The following WNT10A variants were observed in gnomAD, a reference collection of about 807,000 sequenced individuals.
WNT10A encodes protein Wnt-10a.
WNT10A carries 37 observed loss-of-function variants against 36.1 expected under a neutral mutation model. The ratio of observed to expected loss-of-function variants is 1.02; its 90% CI spans 0.79 to 1.35. The LOEUF (loss-of-function observed/expected upper bound fraction) is 1.35, where lower values mean the gene tolerates loss of function less well. WNT10A is among the 40% of genes most tolerant of loss of function. WNT10A has a pLI of 0.00. For synonymous variants in WNT10A, 255 were observed against 254.1 expected (o/e 1.00, Z -0.03); for missense variants, 613 against 601.4 (o/e 1.02, Z -0.20).
chr2:218,892,848 G>A lies in WNT10A; in HGVS notation c.831G>A (p.Trp277Ter). 1 of 1,589,890 alleles carries A rather than the reference G, an allele frequency of 6.3e-7. No homozygotes were observed. Among genetic ancestry groups the A allele is most frequent in the African/African-American group, 1.3e-5 (1 of 74,676 alleles). ...GCAGCTGCCAGCTCAAGACGTGCTG[G>A]CAGGTGACGCCCGAGTTCCGCACCG... ...TSGSCQLKTC[W>*]QVTPEFRTVG... Residue 277 changes from tryptophan to a stop codon, truncating the protein, a stop_gained, in exon 4 of 4, where the codon TGG (tryptophan) becomes TGA (stop). Coordinates refer to ENST00000258411, the MANE Select transcript of WNT10A (RefSeq NM_025216.3). LOFTEE classifies it high-confidence loss of function.
intron 3 of WNT10A, among the ~76,000 whole-genome samples, chr2:218,890,986 G>A (rs547241170): frequency 1.3e-5 from 2 of 152,342 alleles, no homozygotes; most frequent in African/African-American, 4.8e-5. Context: ...AAAAGCAGCA[G>A]AAGAAAGGAT....
At position 218,881,123 on chromosome 2, in the gene WNT10A, C is replaced by A. The variant is rs1054093837; in HGVS notation, c.113+15C>A. The A allele has an allele frequency of 6.3e-7, 1 of 1,579,664 alleles. No individual in the cohort carries two copies. Among genetic ancestry groups the A allele is most frequent in the South Asian group, 1.2e-5 (1 of 86,588 alleles). On this transcript the variant is annotated intron_variant, in intron 1 of 3. Transcript: ENST00000258411. ...GCCATGCCCAGGTGAGCCCTCACCT[C>A]ATGCTCCGCCCTCCTAGAGAGTTGG...
In WNT10A at chr2:218,893,255, T is replaced by A; in HGVS notation, c.1238T>A (p.Val413Asp). The A allele has an allele frequency of 6.4e-7, 1 of 1,555,934 alleles. No individual in the cohort carries two copies. The highest frequency in any genetic ancestry group is 1.3e-5 in the African/African-American group (1 of 74,174). ...VCEECRITEWVSVCK is the reference protein window; with the variant it reads ...VCEECRITEWDSVCK ...GAAGAGTGCCGCATCACCGAGTGGG[T>A]CAGCGTCTGCAAGTGAGCGGCCCGG... The change falls in exon 4 of 4, where the codon GTC becomes GAC. Residue 413 changes from valine to aspartate, a missense_variant. Val to Asp is a radical substitution (Grantham distance 152). Transcript: ENST00000258411. The surrounding 1 kb of genome is among the most constrained non-coding windows in gnomAD (Gnocchi z 6.3).
intron 3 of WNT10A, among the ~76,000 whole-genome samples, chr2:218,891,538 TC>T (rs1944650355): frequency 6.6e-6 from 1 of 152,188 alleles, no homozygotes; most frequent in Non-Finnish European, 1.5e-5. Context: ...TTGGGTCATG[TC>T]CAGCTCCCAC....
chr2:218,890,202 C>T lies in WNT10A; in HGVS notation c.595C>T (p.Pro199Ser). ...TGGGGTCCCGGAACACCCAGCCCTG[C>T]CCACAGCCAGCCCAGGCCTGCAGGA... is the stretch of plus-strand genomic sequence containing the variant. ...SHGVPEHPAL[P>S]TASPGLQDSW... is the part of the protein sequence containing the mutation. The change falls in exon 3 of 4, where the codon CCC becomes TCC. Residue 199 changes from proline (P) to serine (S), a missense_variant. Physicochemically the swap from Pro to Ser is moderately conservative, Grantham distance 74. Coordinates refer to ENST00000258411, the MANE Select transcript of WNT10A (RefSeq NM_025216.3). 2 of 1,614,056 alleles carry T rather than the reference C, an allele frequency of 1.2e-6. No homozygotes were observed. Among genetic ancestry groups the T allele is most frequent in the East Asian group, 2.2e-5 (1 of 44,874 alleles).
chr2:218,887,811 G>C (rs999045879), intron 2 of WNT10A, among the ~76,000 whole-genome samples: 1 of 152,164 alleles, frequency 6.6e-6, no homozygotes, highest in Non-Finnish European at 1.5e-5. Context: ...ATACTTCCTC[G>C]ATTAGTAAGG....
At chr2:218,890,425 G>A in intron 3 of WNT10A, 62 bp downstream of exon 3, 2 of 1,596,764 alleles carry the variant, frequency 1.3e-6, no homozygotes, top group Non-Finnish European at 1.7e-6. Flanking sequence ...CCCTTGCCCT[G>A]GCCTACCTCT....
upstream of WNT10A, among the ~76,000 whole-genome samples, chr2:218,877,777 C>T (rs1045009104): frequency 3.3e-5 from 5 of 152,186 alleles, no homozygotes; most frequent in Non-Finnish European, 7.3e-5. The surrounding 1 kb of genome is among the most constrained non-coding windows in gnomAD (Gnocchi z 4.1). Flanking sequence ...CAGCAGCAAG[C>T]CATTCCCCCT....
At chr2:218,881,236 T>A in intron 1 of WNT10A, 128 bp downstream of exon 1, 1 of 1,396,028 alleles carries the variant, frequency 7.2e-7, no homozygotes. Context: ...AAAGTGCTGG[T>A]GCCCAACCAA....
Position 218,889,970 on chromosome 2 carries a change from G to A in WNT10A, c.377-14G>A. Reference sequence around the variant, plus strand: ...CCCCTCCAGAGTCCATGTGTTCTGGGTCTTTAACCACAGGTTTCCGAGAGA... The same window carrying A: ...CCCCTCCAGAGTCCATGTGTTCTGGATCTTTAACCACAGGTTTCCGAGAGA... On this transcript the variant is annotated splice_polypyrimidine_tract_variant and intron_variant, in intron 2 of 3. Coordinates refer to ENST00000258411, the MANE Select transcript of WNT10A (RefSeq NM_025216.3). 5.6e-6 allele frequency: 9 copies of A among 1,612,120 alleles called. No individual in the cohort carries two copies. The highest frequency in any genetic ancestry group is 7.6e-6 in the Non-Finnish European group (9 of 1,180,036).
At chr2:218,891,990 C>T (rs1309167920) in intron 3 of WNT10A, among the ~76,000 whole-genome samples, 1 of 151,972 alleles carries the variant, frequency 6.6e-6, no homozygotes, top group Non-Finnish European at 1.5e-5. Context: ...GGGTTGCGTT[C>T]CCATAACCAC....
intron 2 of WNT10A, among the ~76,000 whole-genome samples, chr2:218,886,452 C>A (rs1433061859): frequency 6.6e-6 from 1 of 152,164 alleles, no homozygotes; most frequent in Admixed American, 6.5e-5. Context: ...TTCCCATTGG[C>A]TCCTGAATCC....
the WNT10A span, among the ~76,000 whole-genome samples, chr2:218,875,159 C>CT: frequency 5.4e-5 from 2 of 36,824 alleles, 1 homozygote; most frequent in Admixed American, 8.5e-4. Flanking sequence ...GACTGACTTT[C>CT]TTTTTTTTTT....
chr2:218,879,728 G>T (rs998365039), upstream of WNT10A, among the ~76,000 whole-genome samples: 1 of 152,198 alleles, frequency 6.6e-6, no homozygotes, highest in South Asian at 2.1e-4. Context: ...CAGCTGCTGC[G>T]CTGGGAGTCA....
At position 218,882,192 on chromosome 2, in the gene WNT10A, C is replaced by A. The variant is rs1283156128; in HGVS notation, c.145C>A (p.Leu49Ile). ...ACCCAATGACATTCTGGACCTCCGC[C>A]TCCCCCCGGAGCCCGTGCTCAATGC... The part of the protein sequence containing the change: ...SAPNDILDLR[L>I]PPEPVLNANT... Residue 49 changes from leucine to isoleucine, a missense_variant, in exon 2 of 4, where the codon CTC becomes ATC. Transcript: ENST00000258411. 4 of 1,614,138 alleles carry A rather than the reference C, an allele frequency of 2.5e-6. No homozygotes were observed. The highest frequency in any genetic ancestry group is 3.4e-6 in the Non-Finnish European group (4 of 1,180,010).
Position 218,893,228 on chromosome 2 carries a change from G to A in WNT10A, c.1211G>A (p.Cys404Tyr). Residue 404 changes from cysteine (C) to tyrosine (Y), a missense_variant, in exon 4 of 4, where the codon TGC becomes TAC. Coordinates refer to ENST00000258411, the MANE Select transcript of WNT10A (RefSeq NM_025216.3). This position sits in a 1 kb window ranked among gnomAD's most constrained non-coding sequence, Gnocchi z 6.3. ...CRFHWCCFVV[C>Y]EECRITEWVS... is the part of the protein sequence containing the mutation. ...TTCCACTGGTGCTGTTTCGTGGTCTGCGAAGAGTGCCGCATCACCGAGTGG... is the reference window on the plus strand; with the variant it reads ...TTCCACTGGTGCTGTTTCGTGGTCTACGAAGAGTGCCGCATCACCGAGTGG... The A allele has an allele frequency of 6.4e-7, 1 of 1,566,602 alleles. No individual in the cohort carries two copies. Among genetic ancestry groups the A allele is most frequent in the Non-Finnish European group, 8.6e-7 (1 of 1,162,442 alleles).
chr2:218,882,061 G>T (rs1944522868), intron 1 of WNT10A, 100 bp from the exon 2 acceptor site: 1 of 1,476,824 alleles, frequency 6.8e-7, no homozygotes, highest in African/African-American at 1.4e-5. Context: ...GAGGTTGGAA[G>T]AGGGAGTGAT....
intron 3 of WNT10A, among the ~76,000 whole-genome samples, chr2:218,891,135 A>G (rs1402128418): frequency 3.3e-5 from 5 of 152,218 alleles, no homozygotes; most frequent in Admixed American, 6.5e-5. Flanking sequence ...TGAGATATGG[A>G]AACTGAGGCA....
At chr2:218,886,669 G>T (rs2106014341) in intron 2 of WNT10A, among the ~76,000 whole-genome samples, 1 of 99,132 alleles carries the variant, frequency 1.0e-5, no homozygotes, top group East Asian at 3.2e-4. Context: ...GGGCAGCCCA[G>T]CTGGCCATGG....
Sources: allele counts gnomAD v4.1 joint callset (sites outside exome capture counted in the v4.1 genomes callset), GRCh38; gene constraint gnomAD v4.1.1; non-coding constraint Gnocchi (gnomAD v3.1); transcripts MANE v1.5; gene names NCBI Gene and HGNC (gene_info 2026-07-23, HGNC 2026-07-21).